The following COL26A1 variants were observed in gnomAD, a reference collection of about 807,000 sequenced individuals.
COL26A1 encodes the protein collagen type XXVI alpha 1 chain.
Under a neutral mutation model 59.3 loss-of-function variants are expected in COL26A1, and 41 were observed. The ratio of observed to expected loss-of-function variants is 0.69; its 90% CI spans 0.54 to 0.90. The LOEUF is 0.90. Among genes scored for constraint, COL26A1 ranks in the 40% least tolerant of loss-of-function variants. The pLI, the probability that COL26A1 is intolerant of heterozygous loss-of-function variation, is 0.00. For missense variants in COL26A1, 612 were observed against 602.3 expected (o/e 1.02, Z -0.17); for synonymous variants, 266 against 256.0 (o/e 1.04, Z -0.37).
intron 1 of COL26A1, among the ~76,000 whole-genome samples, chr7:101,367,079 A>G (rs1266762199): frequency 6.6e-6 from 1 of 152,124 alleles, no homozygotes; most frequent in Non-Finnish European, 1.5e-5. Flanking sequence ...AATTAATTGG[A>G]TCCTCTGCCC....
intron 1 of COL26A1, among the ~76,000 whole-genome samples, chr7:101,379,450 C>T (rs1445878142): frequency 2.0e-5 from 3 of 152,190 alleles, no homozygotes; most frequent in Non-Finnish European, 2.9e-5. Context: ...TGGTGCTCTG[C>T]TCACCATTGC....
chr7:101,438,291 G>A (rs962594117), intron 2 of COL26A1, among the ~76,000 whole-genome samples: 2 of 151,712 alleles, frequency 1.3e-5, no homozygotes, highest in African/African-American at 2.4e-5. Context: ...AACCTGGAAG[G>A]TGGAGGCTGC....
intron 1 of COL26A1, among the ~76,000 whole-genome samples, chr7:101,384,229 G>GT (rs1791513424): frequency 1.6e-5 from 2 of 128,888 alleles, no homozygotes; most frequent in Admixed American, 7.8e-5. Context: ...TGTTCAGGCT[G>GT]GTTTTTTTTT....
intron 1 of COL26A1, among the ~76,000 whole-genome samples, chr7:101,377,978 T>G (rs983860777): frequency 6.6e-6 from 1 of 152,162 alleles, no homozygotes; most frequent in Admixed American, 6.5e-5. Context: ...CAATCACAGG[T>G]CACTGCAGCC....
At chr7:101,366,776 C>T (rs150098463) in intron 1 of COL26A1, among the ~76,000 whole-genome samples, 2 of 152,194 alleles carry the variant, frequency 1.3e-5, no homozygotes, top group African/African-American at 2.4e-5. Flanking sequence ...GTTGGAATTA[C>T]AGGTGTGAGC....
At chr7:101,478,112 AC>A (rs1313894819) in intron 3 of COL26A1, among the ~76,000 whole-genome samples, 3 of 152,062 alleles carry the variant, frequency 2.0e-5, no homozygotes, top group Non-Finnish European at 4.4e-5. Context: ...CCTCCTGAGT[AC>A]CTGGGATTAC....
At chr7:101,413,712 G>GATGC (rs1337753276) in intron 1 of COL26A1, among the ~76,000 whole-genome samples, 5 of 152,178 alleles carry the variant, frequency 3.3e-5, no homozygotes, top group African/African-American at 9.7e-5. Context: ...TTGCTGAGAT[G>GATGC]ATGCCCAGAG....
At chr7:101,556,407 A>G (rs571588545) in intron 12 of COL26A1, among the ~76,000 whole-genome samples, 1 of 152,322 alleles carries the variant, frequency 6.6e-6, no homozygotes, top group African/African-American at 2.4e-5. Context: ...AGGTGAATGG[A>G]CAGGTGGGTG....
intron 2 of COL26A1, among the ~76,000 whole-genome samples, chr7:101,447,046 G>T (rs527750233): frequency 6.6e-6 from 1 of 152,066 alleles, no homozygotes; most frequent in East Asian, 1.9e-4. Flanking sequence ...GTAGGGGGTC[G>T]AAGTGAGGTT....
chr7:101,473,608 C>CCACACACACACACA (rs150820078), intron 3 of COL26A1, among the ~76,000 whole-genome samples: 11 of 143,476 alleles, frequency 7.7e-5, no homozygotes, highest in African/African-American at 1.6e-4. Context: ...CACCTTGTCT[C>CCACACACACACACA]CACACACACA....
intron 2 of COL26A1, among the ~76,000 whole-genome samples, chr7:101,445,174 T>C (rs573574484): frequency 2.6e-5 from 4 of 152,234 alleles, no homozygotes; most frequent in African/African-American, 9.6e-5. Flanking sequence ...TTTTTGTTTG[T>C]TTAAATTTAT....
chr7:101,405,447 A>G (rs1221381509), intron 1 of COL26A1, among the ~76,000 whole-genome samples: 1 of 151,456 alleles, frequency 6.6e-6, no homozygotes, highest in Non-Finnish European at 1.5e-5. Flanking sequence ...TGATCCTCCC[A>G]CCTCAGCTCC....
intron 10 of COL26A1, 23 bp from the exon 11 acceptor site, chr7:101,553,303 T>G: frequency 6.2e-7 from 1 of 1,612,518 alleles, no homozygotes; most frequent in Non-Finnish European, 8.5e-7. Context: ...GTTCCAGTGT[T>G]GACTGTGTGA....
intron 3 of COL26A1, among the ~76,000 whole-genome samples, chr7:101,463,735 C>A (rs1793676935): frequency 8.4e-6 from 1 of 118,364 alleles, no homozygotes; most frequent in Non-Finnish European, 1.7e-5. Flanking sequence ...CCCTCTCTCC[C>A]CCCTCCCTTC....
intron 3 of COL26A1, among the ~76,000 whole-genome samples, chr7:101,524,164 G>A (rs899964247): frequency 2.6e-5 from 4 of 151,774 alleles, no homozygotes; most frequent in Non-Finnish European, 5.9e-5. Context: ...TCAGCTACTC[G>A]TGAGGCTGAG....
At chr7:101,461,729 T>C (rs1793617268) in intron 3 of COL26A1, among the ~76,000 whole-genome samples, 1 of 152,156 alleles carries the variant, frequency 6.6e-6, no homozygotes, top group Non-Finnish European at 1.5e-5. Context: ...TGGGGTCCCA[T>C]CACATCCACA....
intron 4 of COL26A1, among the ~76,000 whole-genome samples, chr7:101,537,995 C>T (rs1795519120): frequency 6.6e-6 from 1 of 151,934 alleles, no homozygotes; most frequent in African/African-American, 2.4e-5. Context: ...CGACTGGGGG[C>T]ATTTCTACTA....
At position 101,473,319 on chromosome 7, in the gene COL26A1, G is replaced by A. The variant is rs369173721; in HGVS notation, c.385+25532G>A. Among the ~76,000 whole-genome samples, 64 of 152,018 alleles carry A rather than the reference G, an allele frequency of 4.2e-4. No individual in the cohort carries two copies. The South Asian group carries it at 5.4e-3, about 13-fold the overall frequency. ...TCTTGATCTCCTGACCTTGTGATCC[G>A]CCCACCTCAGCCTCCCAAAATGCTG... On this transcript the variant is annotated intron_variant, in intron 3 of 12. Transcript: ENST00000313669.
At chr7:101,539,496 T>A (rs2130653032) in intron 4 of COL26A1, among the ~76,000 whole-genome samples, 1 of 152,132 alleles carries the variant, frequency 6.6e-6, no homozygotes, top group South Asian at 2.1e-4. Flanking sequence ...TGGCTAATTT[T>A]CTTTATTTTT....
Sources: gnomAD v4.1 joint callset for allele counts (sites outside exome capture counted in the v4.1 genomes callset) on GRCh38, gnomAD v4.1.1 for gene constraint, MANE v1.5 for transcripts, NCBI Gene and HGNC (gene_info 2026-07-23, HGNC 2026-07-21) for gene names.